BBOX1: variants seen among roughly 807,000 people sequenced by gnomAD.
The protein encoded by BBOX1 is gamma-butyrobetaine dioxygenase.
A neutral mutation model predicts 41.6 loss-of-function variants in BBOX1; 35 were observed. That is an observed-to-expected ratio of 0.84 (90% CI 0.64 to 1.11). BBOX1 has a LOEUF of 1.11. BBOX1 is among the 50% of genes most tolerant of loss of function. The pLI, the probability that BBOX1 is intolerant of heterozygous loss-of-function variation, is 0.00. For missense variants in BBOX1, 458 were observed against 460.6 expected, an observed-to-expected ratio of 0.99 and a Z score of 0.05; for synonymous variants, 163 against 154.7, an observed-to-expected ratio of 1.05 and a Z score of -0.40.
intron 6 of BBOX1, among the ~76,000 whole-genome samples, chr11:27,119,293 C>A (rs548593525): frequency 3.9e-5 from 6 of 152,142 alleles, no homozygotes; most frequent in Admixed American, 2.0e-4. Context: ...GAAATCCTTC[C>A]CTGCCTACTC....
Position 27,115,531 on chromosome 11 carries a change from T to A in BBOX1, c.613T>A (p.Tyr205Asn), listed in dbSNP as rs754306191. ...TGGGAAGCTAAGCTTTCACACTGATTATCCAGCCCTCCATCATCCACCTGG... is the reference window on the plus strand; with the variant it reads ...TGGGAAGCTAAGCTTTCACACTGATAATCCAGCCCTCCATCATCCACCTGG... ...TTGKLSFHTD[Y>N]PALHHPPGVQ... Residue 205 changes from tyrosine (Y) to asparagine (N), a missense_variant, in exon 6 of 9, where the codon TAT becomes AAT. Transcript: ENST00000263182. 1.2e-6 allele frequency: 2 copies of A among 1,610,752 alleles called. No individual in the cohort carries two copies. Among genetic ancestry groups the A allele is most frequent in the Non-Finnish European group, 1.7e-6 (2 of 1,177,970 alleles).
intron 4 of BBOX1, among the ~76,000 whole-genome samples, chr11:27,086,514 G>A (rs929640433): frequency 6.6e-6 from 1 of 152,122 alleles, no homozygotes; most frequent in Non-Finnish European, 1.5e-5. Flanking sequence ...GAGACTCACT[G>A]CTCAGAAAGA....
intron 5 of BBOX1, among the ~76,000 whole-genome samples, chr11:27,103,403 T>G (rs1858738648): frequency 6.6e-6 from 1 of 152,110 alleles, no homozygotes; most frequent in African/African-American, 2.4e-5. Context: ...TGCTTTGGGC[T>G]TCTTCTTTTG....
intron 4 of BBOX1, among the ~76,000 whole-genome samples, chr11:27,084,014 T>C (rs1231173908): frequency 1.3e-5 from 2 of 152,058 alleles, no homozygotes; most frequent in African/African-American, 2.4e-5. Flanking sequence ...CAGCTTCTTG[T>C]TGCAAGACTG....
chr11:27,127,586 G>A lies in BBOX1; in HGVS notation c.*133G>A. The A allele has an allele frequency of 9.7e-7, 1 of 1,034,246 alleles. No individual in the cohort carries two copies. The highest frequency in any genetic ancestry group is 1.4e-6 in the Non-Finnish European group (1 of 728,892). The allele number at this position is 1,034,246 out of a possible 1,614,324, so 64.1% of individuals were successfully genotyped here. On this transcript the variant is annotated 3_prime_UTR_variant, in exon 9 of 9. Transcript: ENST00000263182. The stretch of plus-strand genomic sequence containing the variant: ...AATGAACATGTAACTTCTCTCACAA[G>A]AGTACTCTTTACTTTGTAATCATAT...
chr11:27,058,133 G>C (rs952118096), intron 4 of BBOX1, among the ~76,000 whole-genome samples: 2 of 152,116 alleles, frequency 1.3e-5, no homozygotes, highest in African/African-American at 4.8e-5. Context: ...CTGAAAAACA[G>C]TTCTTGCAAG....
At chr11:27,071,106 G>A (rs1023288590) in intron 4 of BBOX1, among the ~76,000 whole-genome samples, 3 of 152,070 alleles carry the variant, frequency 2.0e-5, no homozygotes, top group African/African-American at 7.2e-5. Context: ...CAGGTGCGGT[G>A]GCTCATGCCT....
At position 27,057,190 on chromosome 11, in the gene BBOX1, TGTGTTATAAG is replaced by T. The variant is rs765776795; in HGVS notation, c.220-6_223del. On this transcript the variant is annotated splice_acceptor_variant and splice_polypyrimidine_tract_variant and intron_variant, in intron 3 of 8. Transcript: ENST00000263182. LOFTEE classifies it high-confidence loss of function. ...ATCCACATAGGTGAAATTTGCTTTT[TGTGTTATAAG>T]GTGTACATCACATGGCCCGATGAGC... The T allele has an allele frequency of 3.3e-6, 5 of 1,536,410 alleles. No individual in the cohort carries two copies. The highest frequency in any genetic ancestry group is 4.4e-6 in the Non-Finnish European group (5 of 1,146,492).
chr11:27,092,129 A>G (rs147615819), intron 4 of BBOX1, among the ~76,000 whole-genome samples: 1,930 of 152,050 alleles, frequency 0.013, 115 homozygotes, highest in Admixed American at 0.11. Context: ...CTGACATCAA[A>G]GAAGCAATGG....
At chr11:27,119,094 A>G (rs1564990522) in intron 6 of BBOX1, among the ~76,000 whole-genome samples, 1 of 151,976 alleles carries the variant, frequency 6.6e-6, no homozygotes, top group African/African-American at 2.4e-5. Flanking sequence ...GGCCTCACCA[A>G]TTGCCCTTCC....
chr11:27,047,979 T>C lies in BBOX1; in HGVS notation c.-39+6501T>C, dbSNP rs148383990. On this transcript the variant is annotated intron_variant, in intron 2 of 8. Coordinates refer to ENST00000263182, the MANE Select transcript of BBOX1 (RefSeq NM_003986.3). ...TTATGTTGTTATTTTTCCTGTTTTA[T>C]TGAGGTAAATTGACAAATAAAAGTT... Among the ~76,000 whole-genome samples, 14 of 152,310 alleles carry C rather than the reference T, an allele frequency of 9.2e-5. No homozygotes were observed. The East Asian group carries it at 2.7e-3, about 29-fold the overall frequency.
chr11:27,064,794 G>C (rs1173264604), intron 4 of BBOX1, among the ~76,000 whole-genome samples: 5 of 152,002 alleles, frequency 3.3e-5, no homozygotes, highest in Admixed American at 2.0e-4. Context: ...AATCATAGGG[G>C]GTCAAAGCCA....
intron 4 of BBOX1, among the ~76,000 whole-genome samples, chr11:27,083,775 T>C (rs764781713): frequency 2.0e-5 from 3 of 152,174 alleles, no homozygotes; most frequent in Non-Finnish European, 2.9e-5. Flanking sequence ...ATCATATCTA[T>C]CTTTATTCAC....
intron 2 of BBOX1, among the ~76,000 whole-genome samples, chr11:27,049,742 A>G (rs1490450242): frequency 6.6e-6 from 1 of 152,164 alleles, no homozygotes; most frequent in Non-Finnish European, 1.5e-5. Flanking sequence ...CTTGATTAAA[A>G]TAAGTAAAAA....
chr11:27,108,975 A>T (rs2134080183), intron 5 of BBOX1, among the ~76,000 whole-genome samples: 1 of 152,162 alleles, frequency 6.6e-6, no homozygotes, highest in Non-Finnish European at 1.5e-5. Flanking sequence ...ACACTCATTC[A>T]GTCAAAATTT....
chr11:27,065,097 C>T (rs1307219663), intron 4 of BBOX1, among the ~76,000 whole-genome samples: 1 of 152,100 alleles, frequency 6.6e-6, no homozygotes, highest in East Asian at 1.9e-4. Flanking sequence ...CCATTTAAAA[C>T]TATAAATTAA....
intron 5 of BBOX1, among the ~76,000 whole-genome samples, chr11:27,103,821 T>C (rs1002903004): frequency 2.0e-5 from 3 of 152,258 alleles, no homozygotes; most frequent in Admixed American, 1.3e-4. Context: ...GGTTTTTCTC[T>C]TAAAATAATT....
chr11:27,053,809 T>G lies in BBOX1; in HGVS notation c.-38-1584T>G, dbSNP rs1010220907. Among the ~76,000 whole-genome samples the G allele has an allele frequency of 3.2e-4, 48 of 152,152 alleles. 1 individual carries two copies. The highest frequency in any genetic ancestry group is 4.1e-4 in the African/African-American group (17 of 41,428). On this transcript the variant is annotated intron_variant, in intron 2 of 8. Coordinates refer to ENST00000263182, the MANE Select transcript of BBOX1 (RefSeq NM_003986.3). Reference sequence around the variant, plus strand: ...ATAATTTTTGATTATTTTTAAGTAATAGTGTTCTCCTACCACTATACAAAT... The same window carrying G: ...ATAATTTTTGATTATTTTTAAGTAAGAGTGTTCTCCTACCACTATACAAAT...
intron 2 of BBOX1, among the ~76,000 whole-genome samples, chr11:27,048,532 T>TGATAGATA (rs59647951): frequency 3.6e-4 from 54 of 150,318 alleles, no homozygotes; most frequent in African/African-American, 1.1e-3. Flanking sequence ...GATAGATAGA[T>TGATAGATA]GATAGATAGA....
Sources: allele counts gnomAD v4.1 joint callset (sites outside exome capture counted in the v4.1 genomes callset), GRCh38; gene constraint gnomAD v4.1.1; transcripts MANE v1.5; gene names NCBI Gene and HGNC (gene_info 2026-07-23, HGNC 2026-07-21).